S100A4: variants seen among roughly 807,000 people sequenced by gnomAD.
S100A4 encodes the protein S100 calcium binding protein A4.
Under a neutral mutation model 6.3 loss-of-function variants are expected in S100A4, and 4 were observed. That is an observed-to-expected ratio of 0.64 (90% CI 0.31 to 1.46). The LOEUF is 1.46. S100A4 is among the 40% of genes most tolerant of loss of function. S100A4 has a pLI of 0.07. For synonymous variants in S100A4, 44 were observed against 47.6 expected (o/e 0.92, Z 0.32); for missense variants, 108 against 120.8 (o/e 0.89, Z 0.50).
intron 2 of S100A4, 105 bp downstream of exon 2, chr1:153,544,549 C>G: frequency 6.8e-7 from 1 of 1,479,926 alleles, no homozygotes; most frequent in Non-Finnish European, 9.3e-7. Flanking sequence ...AGGCAGCCAC[C>G]CCACTGATAG....
chr1:153,544,942 C>T (rs1362209886), intron 1 of S100A4, 133 bp from the exon 2 acceptor site: 7 of 1,109,508 alleles, frequency 6.3e-6, no homozygotes, highest in Non-Finnish European at 9.0e-6. Context: ...GAGCCCAGAG[C>T]AGTGGGCCCC....
In S100A4 at chr1:153,543,963, A is replaced by G. The variant is rs146843088; in HGVS notation, c.142-40T>C. The G allele has an allele frequency of 6.9e-3, 11,157 of 1,609,020 alleles. 40 individuals are homozygous for G. The highest frequency in any genetic ancestry group is 8.5e-3 in the Non-Finnish European group (9,951 of 1,177,326). ...GGCTACAGATAGAAAACAGAAGCCC[A>G]GTGGGTGGAGCCAGGACCAGACCCA... On this transcript the variant is annotated intron_variant, in intron 2 of 2. Coordinates refer to ENST00000368716, the MANE Select transcript of S100A4 (RefSeq NM_002961.3).
chr1:153,545,372 G>A (rs1373180414), intron 1 of S100A4: 3 of 155,272 alleles, frequency 1.9e-5, no homozygotes, highest in African/African-American at 4.8e-5. Context: ...ACCAGACAAA[G>A]GCCCACAGTT....
chr1:153,544,380 T>C (rs1665489067), intron 2 of S100A4, among the ~76,000 whole-genome samples: 1 of 152,196 alleles, frequency 6.6e-6, no homozygotes, highest in African/African-American at 2.4e-5. Flanking sequence ...GGCAGTTGTG[T>C]ACACTGACCA....
chr1:153,545,043 G>A (rs11488669), intron 1 of S100A4: 46,585 of 480,478 alleles, frequency 0.097, 6,052 homozygotes, highest in African/African-American at 0.45. Flanking sequence ...CTGGAGATTC[G>A]GGCAGCAAAC....
At chr1:153,544,609 G>A (rs1436461662) in intron 2 of S100A4, 45 bp downstream of exon 2, 4 of 1,608,612 alleles carry the variant, frequency 2.5e-6, no homozygotes, top group Non-Finnish European at 3.4e-6. Flanking sequence ...CCTCCTCTGT[G>A]GGAAATGCCC....
At chr1:153,544,500 C>A (rs140653570) in intron 2 of S100A4, among the ~76,000 whole-genome samples, 154 bp downstream of exon 2, 4 of 152,316 alleles carry the variant, frequency 2.6e-5, no homozygotes, top group Non-Finnish European at 5.9e-5. Context: ...CAGCATGGGG[C>A]CAGGCAGTGA....
Position 153,545,204 on chromosome 1 carries a change from G to A in S100A4, c.-15-395C>T, listed in dbSNP as rs529918189. Reference sequence around the variant, plus strand: ...TGTGGCTGCTGGAGGCCTGCCCAGGGGCCTGCAGTGGAAAAAACCAGCACA... The same window carrying A: ...TGTGGCTGCTGGAGGCCTGCCCAGGAGCCTGCAGTGGAAAAAACCAGCACA... On this transcript the variant is annotated intron_variant, in intron 1 of 2. Transcript: ENST00000368716. The A allele has an allele frequency of 1.1e-3, 220 of 196,278 alleles. 1 individual carries two copies. The South Asian group carries it at 0.02, about 18-fold the overall frequency. 12.2% of individuals were successfully genotyped at this position (196,278 alleles called of 1,614,324 possible).
At chr1:153,545,673 C>A (rs1421065501) in intron 1 of S100A4, 80 bp downstream of exon 1, 1 of 152,838 alleles carries the variant, frequency 6.5e-6, no homozygotes, top group Non-Finnish European at 1.5e-5. Context: ...GCACATCTGG[C>A]CCCCACCAGC....
rs756161896 is a variant in S100A4, at chr1:153,543,829, A to G, written c.236T>C (p.Leu79Pro). The G allele has an allele frequency of 4.3e-6, 7 of 1,614,126 alleles. No homozygotes were observed. The highest frequency in any genetic ancestry group is 5.9e-6 in the Non-Finnish European group (7 of 1,180,044). ...EVDFQEYCVF[L>P]SCIAMMCNEF... ...GTTACACATCATGGCGATGCAGGAC[A>G]GGAAGACACAGTACTCTTGGAAGTC... Residue 79 changes from leucine to proline, a missense_variant, in exon 3 of 3, where the codon CTG (leucine) becomes CCG (proline). Transcript: ENST00000368716.
rs1571237134 is a variant in S100A4, at chr1:153,543,738, C to T, written c.*21G>A. The T allele has an allele frequency of 1.2e-6, 2 of 1,609,888 alleles. No individual in the cohort carries two copies. Among genetic ancestry groups the T allele is most frequent in the Non-Finnish European group, 1.7e-6 (2 of 1,177,298 alleles). ...GGGAGGGCCCCAGCTGGCAGACCCCCCAACCACATCAGAGGAGTTTTCATT... is the reference window on the plus strand; with the variant it reads ...GGGAGGGCCCCAGCTGGCAGACCCCTCAACCACATCAGAGGAGTTTTCATT... On this transcript the variant is annotated 3_prime_UTR_variant, in exon 3 of 3. Coordinates refer to ENST00000368716, the MANE Select transcript of S100A4 (RefSeq NM_002961.3).
intron 2 of S100A4, 74 bp from the exon 3 acceptor site, chr1:153,543,997 TC>T: frequency 6.5e-7 from 1 of 1,542,832 alleles, no homozygotes; most frequent in Non-Finnish European, 8.9e-7. Context: ...CAGTTTCTAC[TC>T]CCAGACCAGA....
At position 153,544,679 on chromosome 1, in the gene S100A4, G is replaced by A. The variant is rs147390231; in HGVS notation, c.116C>T (p.Thr39Ile). 4 of 1,614,090 alleles carry A rather than the reference G, an allele frequency of 2.5e-6. No homozygotes were observed. In the South Asian group the frequency reaches 3.3e-5, roughly 13 times the overall value. Reference protein sequence around the residue: ...LNKSELKELLTRELPSFLGKR... With the variant: ...LNKSELKELLIRELPSFLGKR... ...CCCCAAGAAGCTGGGCAGCTCCCGG[G>A]TCAGCAGCTCCTTTAGTTCTGACTT... is the stretch of plus-strand genomic sequence containing the variant. The change falls in exon 2 of 3, where the codon ACC becomes ATC. Residue 39 changes from threonine to isoleucine, a missense_variant. Physicochemically the swap from Thr to Ile is moderately conservative, Grantham distance 89. Transcript: ENST00000368716.
intron 2 of S100A4, among the ~76,000 whole-genome samples, chr1:153,544,350 C>A (rs1279178265): frequency 1.3e-5 from 2 of 152,204 alleles, no homozygotes; most frequent in Non-Finnish European, 2.9e-5. Context: ...TGGCAAGAGT[C>A]AGACAGTCCC....
chr1:153,543,733 A>T lies in S100A4; in HGVS notation c.*26T>A, dbSNP rs1315349548. ...CGACAGGGAGGGCCCCAGCTGGCAG[A>T]CCCCCCAACCACATCAGAGGAGTTT... On this transcript the variant is annotated 3_prime_UTR_variant, in exon 3 of 3. Coordinates refer to ENST00000368716, the MANE Select transcript of S100A4 (RefSeq NM_002961.3). 2.5e-6 allele frequency: 4 copies of T among 1,595,858 alleles called. No individual in the cohort carries two copies. The highest frequency in any genetic ancestry group is 2.6e-6 in the Non-Finnish European group (3 of 1,169,284).
chr1:153,543,943 C>A lies in S100A4; in HGVS notation c.142-20G>T. The A allele has an allele frequency of 6.2e-7, 1 of 1,613,082 alleles. No individual in the cohort carries two copies. Among genetic ancestry groups the A allele is most frequent in the Non-Finnish European group, 8.5e-7 (1 of 1,179,736 alleles). ...CCTTTTCTGGAGGGAGAAGAGGCTA[C>A]AGATAGAAAACAGAAGCCCAGTGGG... On this transcript the variant is annotated intron_variant, in intron 2 of 2. Coordinates refer to ENST00000368716, the MANE Select transcript of S100A4 (RefSeq NM_002961.3).
chr1:153,544,587 C>G, intron 2 of S100A4, 67 bp downstream of exon 2: 2 of 1,601,146 alleles, frequency 1.2e-6, no homozygotes, highest in Non-Finnish European at 1.7e-6. Flanking sequence ...TGCTCTAGAG[C>G]AAGACTGCTG....
In S100A4 at chr1:153,544,681, C is replaced by CAG. The variant is rs753579795; in HGVS notation, c.112_113dup (p.Thr39Ter). ...CCAAGAAGCTGGGCAGCTCCCGGGTCAGCAGCTCCTTTAGTTCTGACTTGT... is the reference window on the plus strand; with the variant it reads ...CCAAGAAGCTGGGCAGCTCCCGGGTCAGAGCAGCTCCTTTAGTTCTGACTTGT... On this transcript the variant is annotated frameshift_variant, in exon 2 of 3. Coordinates refer to ENST00000368716, the MANE Select transcript of S100A4 (RefSeq NM_002961.3). LOFTEE classifies it high-confidence loss of function. 1 of 1,614,206 alleles carries CAG rather than the reference C, an allele frequency of 6.2e-7. No individual in the cohort carries two copies. The highest frequency in any genetic ancestry group is 8.5e-7 in the Non-Finnish European group (1 of 1,180,016).
intron 1 of S100A4, chr1:153,545,042 C>G (rs927784231): frequency 2.1e-6 from 1 of 486,052 alleles, no homozygotes; most frequent in Admixed American, 3.3e-5. Flanking sequence ...TCTGGAGATT[C>G]GGGCAGCAAA....
Sources: allele counts gnomAD v4.1 joint callset (sites outside exome capture counted in the v4.1 genomes callset), GRCh38; gene constraint gnomAD v4.1.1; transcripts MANE v1.5; gene names NCBI Gene and HGNC (gene_info 2026-07-23, HGNC 2026-07-21).